Variants in SLC2A5 observed in about 807,000 individuals in gnomAD.
The protein encoded by SLC2A5 is solute carrier family 2 member 5, also known as solute carrier family 2, facilitated glucose transporter member 5.
SLC2A5 carries 56 observed loss-of-function variants against 50.3 expected under a neutral mutation model. The observed-to-expected ratio is 1.11, with a 90% CI of 0.90 to 1.39. SLC2A5 has a LOEUF of 1.39. SLC2A5 is among the 40% of genes most tolerant of loss of function. The pLI, the probability that SLC2A5 is intolerant of heterozygous loss-of-function variation, is 0.00. For missense variants in SLC2A5, 566 were observed against 650.1 expected (o/e 0.87, Z 1.41); for synonymous variants, 269 against 281.9 (o/e 0.95, Z 0.46).
intron 2 of SLC2A5, 138 bp downstream of exon 2, chr1:9,058,013 TG>T (rs1641807655): frequency 1.5e-6 from 1 of 658,006 alleles, no homozygotes; most frequent in South Asian, 1.8e-5. Flanking sequence ...CCCTCGGGTC[TG>T]TGCTGTGTCC....
chr1:9,071,502 C>T (rs1642209759), upstream of SLC2A5, among the ~76,000 whole-genome samples: 1 of 152,242 alleles, frequency 6.6e-6, no homozygotes, highest in Non-Finnish European at 1.5e-5. Flanking sequence ...AGGCCCAGAT[C>T]TTCCACTTCT....
At chr1:9,070,556 C>A (rs554612948), upstream of SLC2A5, among the ~76,000 whole-genome samples, 1 of 152,140 alleles carries the variant, frequency 6.6e-6, no homozygotes, top group African/African-American at 2.4e-5. Flanking sequence ...TGTCAGCCCC[C>A]CATGTTTGGC....
chr1:9,040,251 C>G lies in SLC2A5; in HGVS notation c.572-62G>C, dbSNP rs912034794. 2.6e-5 allele frequency: 39 copies of G among 1,518,412 alleles called. No individual in the cohort carries two copies. Among genetic ancestry groups the G allele is most frequent in the Non-Finnish European group, 3.3e-5 (38 of 1,138,356 alleles). 94.1% of individuals were successfully genotyped at this position (1,518,412 alleles called of 1,614,324 possible). A position where few individuals can be genotyped will look rare whatever the true frequency, so the allele number is the denominator to read the frequency against. ...CCCACCACCCCGAAGGCGCCCTCTGCAGAGCCGGCCCCAGCCCCGTCATCC... is the reference window on the plus strand; with the variant it reads ...CCCACCACCCCGAAGGCGCCCTCTGGAGAGCCGGCCCCAGCCCCGTCATCC... On this transcript the variant is annotated intron_variant, in intron 5 of 11. Transcript: ENST00000377424. The surrounding 1 kb of genome is among the most constrained non-coding windows in gnomAD (Gnocchi z 4.3).
intron 4 of SLC2A5, among the ~76,000 whole-genome samples, chr1:9,047,049 T>C (rs906558831): frequency 6.6e-6 from 1 of 152,166 alleles, no homozygotes; most frequent in Admixed American, 6.5e-5. Flanking sequence ...TGATTGTAAG[T>C]TTCCTGAGGC....
chr1:9,042,734 A>G (rs1038693703), intron 4 of SLC2A5, among the ~76,000 whole-genome samples: 9 of 151,578 alleles, frequency 5.9e-5, no homozygotes, highest in Non-Finnish European at 1.3e-4. Context: ...GTATGTGTGT[A>G]TGGCCCAGGA....
chr1:9,070,072 G>GTTTTTTTTTTTTTTTTTTTT (rs56828280), upstream of SLC2A5, among the ~76,000 whole-genome samples: 1 of 62,544 alleles, frequency 1.6e-5, no homozygotes, highest in African/African-American at 8.8e-5. Flanking sequence ...CTCATTTTCT[G>GTTTTTTTTTTTTTTTTTTTT]TTTTTTTTTT....
intron 1 of SLC2A5, among the ~76,000 whole-genome samples, chr1:9,085,744 G>A (rs998188664): frequency 1.1e-4 from 16 of 152,176 alleles, no homozygotes; most frequent in African/African-American, 3.9e-4. Flanking sequence ...TGGTTACACT[G>A]GGGTGGCAGT....
chr1:9,039,497 C>T (rs1014938171), intron 8 of SLC2A5, 55 bp downstream of exon 8: 4 of 1,319,378 alleles, frequency 3.0e-6, no homozygotes, highest in South Asian at 2.8e-5. Flanking sequence ...GAGGCTGGGG[C>T]GTGGGGCCCG....
intron 1 of SLC2A5, among the ~76,000 whole-genome samples, chr1:9,065,679 G>A (rs1412638719): frequency 6.6e-6 from 1 of 152,122 alleles, no homozygotes; most frequent in East Asian, 1.9e-4. Context: ...AACTCCCTGA[G>A]CTTCTCAGTT....
In SLC2A5 at chr1:9,038,425, A is replaced by G. The variant is rs770523459; in HGVS notation, c.1174+6T>C. 3.1e-6 allele frequency: 5 copies of G among 1,609,932 alleles called. No homozygotes were observed. The highest frequency in any genetic ancestry group is 2.7e-5 in the African/African-American group (2 of 74,854). ...TGACACCCTGAGGCCAGCTTTGGGT[A>G]CGTACTGGGCCCGAGGGCATGTCCT... On this transcript the variant is annotated splice_donor_region_variant and intron_variant, in intron 10 of 11. Coordinates refer to ENST00000377424, the MANE Select transcript of SLC2A5 (RefSeq NM_003039.3).
At chr1:9,076,080 C>A (rs112205261) in intron 2 of SLC2A5, among the ~76,000 whole-genome samples, 2 of 151,948 alleles carry the variant, frequency 1.3e-5, no homozygotes, top group Non-Finnish European at 2.9e-5. Flanking sequence ...CTCAGCCTCC[C>A]GAGTAACTGG....
chr1:9,038,728 G>T, intron 9 of SLC2A5, 100 bp downstream of exon 9: 1 of 1,465,564 alleles, frequency 6.8e-7, no homozygotes. Flanking sequence ...ACAGCTCATT[G>T]TGACCCCTTT....
At chr1:9,091,396 G>A (rs1162749833), upstream of SLC2A5, among the ~76,000 whole-genome samples, 1 of 152,114 alleles carries the variant, frequency 6.6e-6, no homozygotes, top group Non-Finnish European at 1.5e-5. Context: ...ACTGGACCCC[G>A]TTTATAAAAG....
chr1:9,084,987 C>G (rs1421103464), intron 2 of SLC2A5: 6 of 152,458 alleles, frequency 3.9e-5, no homozygotes, highest in Non-Finnish European at 8.8e-5. Flanking sequence ...GCCCCAAGGC[C>G]TCTGTGCCCA....
At chr1:9,070,329 CCTT>C (rs1642189535), upstream of SLC2A5, among the ~76,000 whole-genome samples, 1 of 152,134 alleles carries the variant, frequency 6.6e-6, no homozygotes, top group African/African-American at 2.4e-5. Flanking sequence ...GATCCACCCT[CCTT>C]GGCCTCCCAA....
upstream of SLC2A5, among the ~76,000 whole-genome samples, chr1:9,073,543 C>T (rs1642247753): frequency 6.6e-6 from 1 of 152,210 alleles, no homozygotes; most frequent in Non-Finnish European, 1.5e-5. Flanking sequence ...CTGTGGAGCA[C>T]CATCCCAGCT....
At position 9,040,762 on chromosome 1, in the gene SLC2A5, T is replaced by C. The variant is rs957538034; in HGVS notation, c.572-573A>G. The C allele has an allele frequency of 4.6e-5, 7 of 153,458 alleles. No homozygotes were observed. Among genetic ancestry groups the C allele is most frequent in the Non-Finnish European group, 5.8e-5 (4 of 68,938 alleles). The allele number at this position is 153,458 out of a possible 1,614,324, so 9.5% of individuals were successfully genotyped here. ...GGCCGTGTGTGGTTCTGAGTCCTGC[T>C]ATGGAGCTCCCTGAGACAGGAACCT... is the stretch of plus-strand genomic sequence containing the variant. On this transcript the variant is annotated intron_variant, in intron 5 of 11. Transcript: ENST00000377424. This position sits in a 1 kb window ranked among gnomAD's most constrained non-coding sequence, Gnocchi z 4.3.
At chr1:9,088,700 C>G (rs1612387), upstream of SLC2A5, among the ~76,000 whole-genome samples, 1 of 152,050 alleles carries the variant, frequency 6.6e-6, no homozygotes, top group Non-Finnish European at 1.5e-5. Context: ...GGAGAATTGC[C>G]TCAACCCAGG....
At chr1:9,092,840 C>G (rs551503377), upstream of SLC2A5, among the ~76,000 whole-genome samples, 1 of 152,142 alleles carries the variant, frequency 6.6e-6, no homozygotes, top group Non-Finnish European at 1.5e-5. Flanking sequence ...CCTCAGTCTT[C>G]AGGAAAGGTT....
Sources: gnomAD v4.1 joint callset for allele counts (sites outside exome capture counted in the v4.1 genomes callset) on GRCh38, gnomAD v4.1.1 for gene constraint, Gnocchi (gnomAD v3.1) non-coding constraint, MANE v1.5 for transcripts, NCBI Gene and HGNC (gene_info 2026-07-23, HGNC 2026-07-21) for gene names.